The following IMMP2L variants were observed in gnomAD, a reference collection of about 807,000 sequenced individuals.
IMMP2L encodes the protein mitochondrial inner membrane protease subunit 2.
A neutral mutation model predicts 19.3 loss-of-function variants in IMMP2L; 18 were observed. That is an observed-to-expected ratio of 0.93 (90% CI 0.64 to 1.38). The LOEUF (loss-of-function observed/expected upper bound fraction) is 1.38, where lower values mean the gene tolerates loss of function less well. Among genes scored for constraint, IMMP2L ranks in the 40% most tolerant of loss-of-function variants. The pLI is 0.00. For synonymous variants in IMMP2L, 76 were observed against 73.0 expected (o/e 1.04, Z -0.21); for missense variants, 233 against 218.2 (o/e 1.07, Z -0.43).
chr7:111,433,041 G>T (rs1836795405), intron 3 of IMMP2L, among the ~76,000 whole-genome samples: 1 of 151,574 alleles, frequency 6.6e-6, no homozygotes, highest in Non-Finnish European at 1.5e-5. Context: ...TTCTCATGCT[G>T]CTATGAAGAA....
Position 111,016,950 on chromosome 7 carries a change from G to T in IMMP2L, c.240-53385C>A, listed in dbSNP as rs1230765008. ...ATATACTAATATATATTACATATAT[G>T]ATATATAATTATATGTATAATTATA... On this transcript the variant is annotated intron_variant, in intron 3 of 5. Coordinates refer to ENST00000405709, the MANE Select transcript of IMMP2L (RefSeq NM_032549.4). 8.7e-5 allele frequency among the ~76,000 whole-genome samples: 9 copies of T among 103,920 alleles called. No individual in the cohort carries two copies. In the East Asian group the frequency reaches 1.3e-3, roughly 15 times the overall value. 68.2% of individuals were successfully genotyped at this position (103,920 alleles called of 152,430 possible).
chr7:110,853,286 T>C (rs1219233353), intron 5 of IMMP2L, among the ~76,000 whole-genome samples: 1 of 152,040 alleles, frequency 6.6e-6, no homozygotes, highest in African/African-American at 2.4e-5. Flanking sequence ...TATTCATTGG[T>C]ATTGTTCTGT....
intron 3 of IMMP2L, among the ~76,000 whole-genome samples, chr7:111,079,363 C>G (rs1795693270): frequency 1.3e-5 from 2 of 151,618 alleles, no homozygotes; most frequent in Non-Finnish European, 2.9e-5. Context: ...GTGATCCACC[C>G]ACCTCGGCCT....
At chr7:110,845,353 T>C (rs927983282) in intron 5 of IMMP2L, among the ~76,000 whole-genome samples, 3 of 152,158 alleles carry the variant, frequency 2.0e-5, no homozygotes, top group Non-Finnish European at 4.4e-5. Flanking sequence ...ATATCCCAGA[T>C]TCTGACAAAG....
intron 5 of IMMP2L, among the ~76,000 whole-genome samples, chr7:110,811,770 G>A (rs2131274056): frequency 6.6e-6 from 1 of 152,036 alleles, no homozygotes; most frequent in African/African-American, 2.4e-5. Flanking sequence ...ACCCTTTCTG[G>A]AAACAGCATC....
intron 4 of IMMP2L, among the ~76,000 whole-genome samples, chr7:110,899,132 C>T (rs11980227): frequency 0.014 from 2,169 of 152,170 alleles, 53 homozygotes; most frequent in African/African-American, 0.048. Flanking sequence ...AAGTACAGAA[C>T]GATACAGTAT....
intron 5 of IMMP2L, among the ~76,000 whole-genome samples, chr7:110,719,588 T>A (rs1196142985): frequency 6.6e-6 from 1 of 152,242 alleles, no homozygotes; most frequent in East Asian, 1.9e-4. Flanking sequence ...TTGGAAGTTC[T>A]CTTAAGTTTG....
At chr7:111,531,553 T>C (rs946880617) in intron 1 of IMMP2L, among the ~76,000 whole-genome samples, 9 of 152,134 alleles carry the variant, frequency 5.9e-5, no homozygotes, top group Non-Finnish European at 1.0e-4. Context: ...AGACAGTGAA[T>C]AGCTTTTTAC....
intron 3 of IMMP2L, among the ~76,000 whole-genome samples, chr7:111,202,686 T>C (rs1382834602): frequency 2.0e-5 from 3 of 151,970 alleles, no homozygotes; most frequent in Non-Finnish European, 4.4e-5. Flanking sequence ...AAAAAGGAGT[T>C]TGGGGAAATG....
intron 3 of IMMP2L, among the ~76,000 whole-genome samples, chr7:111,207,316 GAGA>G (rs1810816792): frequency 6.6e-6 from 1 of 152,126 alleles, no homozygotes; most frequent in Non-Finnish European, 1.5e-5. Context: ...ATGGGGTCAT[GAGA>G]AGATTTGAGA....
In IMMP2L at chr7:111,562,458, C is replaced by G. The variant is rs1192490481; in HGVS notation, c.-610G>C. 2 of 151,646 alleles carry G rather than the reference C, an allele frequency of 1.3e-5. No individual in the cohort carries two copies. Among genetic ancestry groups the G allele is most frequent in the African/African-American group, 2.4e-5 (1 of 41,330 alleles). The allele number at this position is 151,646 out of a possible 1,614,324, so 9.4% of individuals were successfully genotyped here. A position where few individuals can be genotyped will look rare whatever the true frequency, so the allele number is the denominator to read the frequency against. ...CCGCCGGACGCCGGGCGCCCGCCCT[C>G]CGCACCCGCTGCGCAGCTCAGCCCG... On this transcript the variant is annotated 5_prime_UTR_variant, in exon 1 of 6. Coordinates refer to ENST00000405709, the MANE Select transcript of IMMP2L (RefSeq NM_032549.4).
intron 3 of IMMP2L, among the ~76,000 whole-genome samples, chr7:111,115,499 T>A (rs1047591565): frequency 6.6e-6 from 1 of 152,106 alleles, no homozygotes; most frequent in East Asian, 1.9e-4. Context: ...AATGTGCCTG[T>A]GATTAAGATT....
intron 3 of IMMP2L, among the ~76,000 whole-genome samples, chr7:111,193,426 C>T (rs556202652): frequency 3.9e-5 from 6 of 152,110 alleles, no homozygotes; most frequent in African/African-American, 1.2e-4. Context: ...TTTTGTCTGA[C>T]GGTGATAAAG....
chr7:110,754,637 C>T (rs1475411020), intron 5 of IMMP2L, among the ~76,000 whole-genome samples: 1 of 152,030 alleles, frequency 6.6e-6, no homozygotes, highest in Non-Finnish European at 1.5e-5. Flanking sequence ...AACAGATACA[C>T]ATCTGCTTAC....
At chr7:111,558,054 GA>G (rs1205073525) in intron 1 of IMMP2L, among the ~76,000 whole-genome samples, 1 of 151,868 alleles carries the variant, frequency 6.6e-6, no homozygotes, top group East Asian at 1.9e-4. Context: ...AGATGACAAA[GA>G]AAAAAACTTA....
At chr7:111,325,068 T>A (rs939664943) in intron 3 of IMMP2L, among the ~76,000 whole-genome samples, 11 of 151,802 alleles carry the variant, frequency 7.2e-5, no homozygotes, top group Non-Finnish European at 1.0e-4. Context: ...GCAAATGCCA[T>A]CTCATAGAGA....
intron 3 of IMMP2L, among the ~76,000 whole-genome samples, chr7:111,378,314 CA>C (rs35324009): frequency 6.6e-6 from 1 of 151,800 alleles, no homozygotes; most frequent in South Asian, 2.1e-4. Context: ...AAGGACCACC[CA>C]AAAAGTTTAT....
chr7:110,794,482 A>T (rs1418650460), intron 5 of IMMP2L, among the ~76,000 whole-genome samples: 1 of 152,110 alleles, frequency 6.6e-6, no homozygotes, highest in Non-Finnish European at 1.5e-5. Context: ...AGTGCCGATT[A>T]AAGATTCCTT....
intron 5 of IMMP2L, among the ~76,000 whole-genome samples, chr7:110,751,800 A>G (rs1215921001): frequency 6.6e-6 from 1 of 152,042 alleles, no homozygotes; most frequent in African/African-American, 2.4e-5. Flanking sequence ...CATTCATATT[A>G]AATGTCATAA....
Sources: allele counts gnomAD v4.1 joint callset (sites outside exome capture counted in the v4.1 genomes callset), GRCh38; gene constraint gnomAD v4.1.1; transcripts MANE v1.5; gene names NCBI Gene and HGNC (gene_info 2026-07-23, HGNC 2026-07-21).